The following PIEZO1 variants were observed in gnomAD, a reference collection of about 807,000 sequenced individuals.
The protein encoded by PIEZO1 is piezo-type mechanosensitive ion channel component 1.
PIEZO1 carries 296 observed loss-of-function variants against 297.2 expected under a neutral mutation model. That is an observed-to-expected ratio of 1.00 (90% CI 0.91 to 1.10). The LOEUF (loss-of-function observed/expected upper bound fraction) is 1.10, where lower values mean the gene tolerates loss of function less well. PIEZO1 is among the 50% of genes least tolerant of loss of function. The probability of loss-of-function intolerance (pLI) is 0.00; values close to 1 mark genes in which losing one functional copy is unlikely to be tolerated. For missense variants in PIEZO1, 5,018 were observed against 3,455.5 expected (o/e 1.45, Z -11.34); for synonymous variants, 2,427 against 1,507.5 (o/e 1.61, Z -14.13).
intron 24 of PIEZO1, 31 bp from the exon 25 acceptor site, chr16:88,726,989 C>T: frequency 1.9e-6 from 3 of 1,549,156 alleles, no homozygotes; most frequent in Non-Finnish European, 2.6e-6. Context: ...GGCGGGCGCC[C>T]CGGCCACCCC....
In PIEZO1 at chr16:88,732,449, G is replaced by A. The variant is rs1163015729; in HGVS notation, c.2877C>T (p.Ala959=). 6.5e-7 allele frequency: 1 copy of A among 1,549,430 alleles called. No individual in the cohort carries two copies. Residue 959 remains alanine (A), a synonymous_variant, in exon 21 of 51, where the codon GCC becomes GCT. Coordinates refer to ENST00000301015, the MANE Select transcript of PIEZO1 (RefSeq NM_001142864.4). ...QEHYRRQHQL[A]PLPAQAVFAS... ...CAAACACGGCCTGGGCAGGCAGCGG[G>A]GCCAGCTGGTGCTGCCGGCGGTAGT...
intron 22 of PIEZO1, among the ~76,000 whole-genome samples, chr16:88,730,793 G>T (rs1904750697): frequency 6.6e-6 from 1 of 152,206 alleles, no homozygotes; most frequent in South Asian, 2.1e-4. Flanking sequence ...TCAGCAGAGG[G>T]GAGGCCCAGG....
chr16:88,754,204 G>A (rs1437445429), intron 1 of PIEZO1, among the ~76,000 whole-genome samples: 1 of 152,212 alleles, frequency 6.6e-6, no homozygotes, highest in Non-Finnish European at 1.5e-5. Flanking sequence ...GCTGAGAGGA[G>A]CACAGTCAGG....
At chr16:88,764,997 C>A (rs1435276674) in intron 1 of PIEZO1, among the ~76,000 whole-genome samples, 2 of 152,208 alleles carry the variant, frequency 1.3e-5, no homozygotes, top group Admixed American at 1.3e-4. Context: ...CTCAACACAG[C>A]TACCTGGCCC....
chr16:88,759,817 C>T (rs1017918398), intron 1 of PIEZO1, among the ~76,000 whole-genome samples: 6 of 152,202 alleles, frequency 3.9e-5, no homozygotes, highest in Non-Finnish European at 7.3e-5. Flanking sequence ...TGGAGGTTCA[C>T]ACGGGCTGCA....
At chr16:88,746,319 G>A (rs1222881713) in intron 2 of PIEZO1, among the ~76,000 whole-genome samples, 1 of 152,174 alleles carries the variant, frequency 6.6e-6, no homozygotes, top group African/African-American at 2.4e-5. Context: ...CAGACAGCAG[G>A]GTCAGTCTTG....
At chr16:88,724,709 A>T (rs1235564064) in intron 30 of PIEZO1, among the ~76,000 whole-genome samples, 2 of 152,098 alleles carry the variant, frequency 1.3e-5, no homozygotes, top group Non-Finnish European at 1.5e-5. Flanking sequence ...AGAAACAAAA[A>T]CAGAATAACG....
chr16:88,728,467 C>T (rs1457535555), intron 22 of PIEZO1, among the ~76,000 whole-genome samples: 1 of 148,724 alleles, frequency 6.7e-6, no homozygotes, highest in Non-Finnish European at 1.5e-5. Flanking sequence ...CCTCGCGACC[C>T]AAAAGCAAAG....
chr16:88,769,126 C>T (rs564361723), intron 1 of PIEZO1, among the ~76,000 whole-genome samples: 68 of 152,310 alleles, frequency 4.5e-4, no homozygotes, highest in Non-Finnish European at 6.6e-4. Flanking sequence ...TATTTGCACA[C>T]GCATAATGAG....
intron 43 of PIEZO1, 37 bp downstream of exon 43, chr16:88,719,765 C>G (rs748706448): frequency 6.5e-7 from 1 of 1,550,258 alleles, no homozygotes; most frequent in South Asian, 1.2e-5. Context: ...CCCTCATGCC[C>G]GGGCCGTGAC....
intron 1 of PIEZO1, 74 bp downstream of exon 1, chr16:88,784,827 G>A: frequency 1.8e-6 from 2 of 1,109,194 alleles, no homozygotes; most frequent in Admixed American, 3.2e-5. Flanking sequence ...GGCCGGCGTC[G>A]TCCGGTGTCC....
rs1597484378 is a variant in PIEZO1 at position 88,768,064 on chromosome 16, A to G, written c.64+16837T>C. ...TTAAAGCAGAGGTCTGCAAAGTGGG[A>G]CCCACGAGCCCCCAAAGCCATGTGC... On this transcript the variant is annotated intron_variant, in intron 1 of 50. Transcript: ENST00000301015. Among the ~76,000 whole-genome samples, 3 of 152,254 alleles carry G rather than the reference A, an allele frequency of 2.0e-5. No homozygotes were observed. The South Asian group carries it at 6.2e-4, about 32-fold the overall frequency.
chr16:88,719,411 G>A (rs1912267148), intron 44 of PIEZO1, 163 bp downstream of exon 44: 7 of 638,810 alleles, frequency 1.1e-5, no homozygotes, highest in Middle Eastern at 6.3e-4. Context: ...CAAGATCACT[G>A]GCCTCGTGAT....
rs754188492 is a variant in PIEZO1, at chr16:88,731,836, C to G, written c.3066G>C (p.Leu1022=). 10 of 1,259,672 alleles carry G rather than the reference C, an allele frequency of 7.9e-6. No individual in the cohort carries two copies. The highest frequency in any genetic ancestry group is 1.0e-5 in the Non-Finnish European group (10 of 979,386). 78.0% of individuals were successfully genotyped at this position (1,259,672 alleles called of 1,614,324 possible). A position where few individuals can be genotyped will look rare whatever the true frequency, so the allele number is the denominator to read the frequency against. ...GGTGCCTGCGGGTGAGGATGGCCAC[C>G]AGCCAGCAACCGTGCAGGGTCACCA... ...NFLVTLHGCW[L]VAILTRRHRQ... Residue 1022 remains leucine, a synonymous_variant, in exon 22 of 51, where the codon CTG becomes CTC. Transcript: ENST00000301015.
In PIEZO1 at chr16:88,720,551, AG is replaced by A; in HGVS notation, c.5802-20del. On this transcript the variant is annotated intron_variant, in intron 40 of 50. Transcript: ENST00000301015. The stretch of plus-strand genomic sequence containing the variant: ...CTGGGCCCTGCGGAAGGGGGCGCTC[AG>A]CCTGGGCCCAGTACCCGCCTCCCCA... 1.3e-6 allele frequency: 2 copies of A among 1,549,008 alleles called. No homozygotes were observed. Among genetic ancestry groups the A allele is most frequent in the Non-Finnish European group, 1.7e-6 (2 of 1,146,730 alleles).
At chr16:88,771,068 C>G (rs1202285018) in intron 1 of PIEZO1, among the ~76,000 whole-genome samples, 2 of 152,220 alleles carry the variant, frequency 1.3e-5, no homozygotes, top group Non-Finnish European at 2.9e-5. Flanking sequence ...CCGCCCCTGT[C>G]ACTTAGCAGG....
rs1904440084 is a variant in PIEZO1, at chr16:88,726,463, G to A, written c.3797-8C>T. 3 of 1,548,910 alleles carry A rather than the reference G, an allele frequency of 1.9e-6. No homozygotes were observed. The highest frequency in any genetic ancestry group is 2.4e-5 in the South Asian group (2 of 84,024). ...TGTCCATCATCTCCTTGGCTGCAAG[G>A]CAGGCACCGGCAAGGGTCAGGCCCA... On this transcript the variant is annotated splice_polypyrimidine_tract_variant and splice_region_variant and intron_variant, in intron 26 of 50. Transcript: ENST00000301015.
intron 1 of PIEZO1, among the ~76,000 whole-genome samples, chr16:88,757,813 A>C (rs1256942126): frequency 6.6e-6 from 1 of 152,162 alleles, no homozygotes; most frequent in Non-Finnish European, 1.5e-5. Context: ...AACTGAGCCC[A>C]GCATGGCCCA....
chr16:88,715,560 G>A lies in PIEZO1; in HGVS notation c.*45C>T, dbSNP rs1470095907. 5 of 1,529,700 alleles carry A rather than the reference G, an allele frequency of 3.3e-6. No individual in the cohort carries two copies. In the African/African-American group the frequency reaches 6.9e-5, roughly 21 times the overall value. 94.8% of individuals were successfully genotyped at this position (1,529,700 alleles called of 1,614,324 possible). On this transcript the variant is annotated 3_prime_UTR_variant, in exon 51 of 51. Transcript: ENST00000301015. The stretch of plus-strand genomic sequence containing the variant: ...GAGTGCCGCCCCTTGTGGCCACGCT[G>A]CCCAGCAGGCCGGCTCCTTCCCTCT...
Sources: allele counts gnomAD v4.1 joint callset (sites outside exome capture counted in the v4.1 genomes callset), GRCh38; gene constraint gnomAD v4.1.1; transcripts MANE v1.5; gene names NCBI Gene and HGNC (gene_info 2026-07-23, HGNC 2026-07-21).